Variants in LDB2 observed in about 807,000 individuals in gnomAD.
LDB2 encodes the protein LIM domain binding 2.
LDB2 carries 12 observed loss-of-function variants against 44.3 expected under a neutral mutation model. The ratio of observed to expected loss-of-function variants is 0.27; its 90% CI spans 0.17 to 0.44. The LOEUF is 0.44. Among genes scored for constraint, LDB2 ranks in the 20% least tolerant of loss-of-function variants. The pLI, the probability that LDB2 is intolerant of heterozygous loss-of-function variation, is 1.00. For synonymous variants in LDB2, 164 were observed against 174.8 expected, an observed-to-expected ratio of 0.94 and a Z score of 0.49; for missense variants, 344 against 473.5, an observed-to-expected ratio of 0.73 and a Z score of 2.54.
At chr4:16,766,657 C>G (rs547370577) in intron 1 of LDB2, among the ~76,000 whole-genome samples, 5 of 151,734 alleles carry the variant, frequency 3.3e-5, no homozygotes, top group Admixed American at 6.6e-5. Flanking sequence ...AGGCGCCCAC[C>G]ACCACGCCCA....
chr4:16,724,975 C>A lies in LDB2; in HGVS notation c.235+34183G>T, dbSNP rs181425860. 2.3e-4 allele frequency among the ~76,000 whole-genome samples: 35 copies of A among 152,186 alleles called. No individual in the cohort carries two copies. In the Middle Eastern group the frequency reaches 0.01, roughly 44 times the overall value. On this transcript the variant is annotated intron_variant, in intron 2 of 7. Transcript: ENST00000304523. ...AAAAAATGATTTGCAGATGGAGATA[C>A]CATGTCATTGGTAGAAACAGGAAAA...
At chr4:16,584,014 T>C (rs1179861280) in intron 5 of LDB2, among the ~76,000 whole-genome samples, 2 of 152,052 alleles carry the variant, frequency 1.3e-5, no homozygotes, top group East Asian at 3.9e-4. Flanking sequence ...GGAAGGTAAA[T>C]AGCTACTGAA....
At chr4:16,897,006 T>C (rs1725207546) in intron 1 of LDB2, among the ~76,000 whole-genome samples, 1 of 152,218 alleles carries the variant, frequency 6.6e-6, no homozygotes, top group African/African-American at 2.4e-5. Flanking sequence ...GTCTATGGTG[T>C]ATTAACATAT....
intron 2 of LDB2, among the ~76,000 whole-genome samples, chr4:16,638,367 A>G (rs1488749213): frequency 6.6e-6 from 1 of 152,190 alleles, no homozygotes; most frequent in African/African-American, 2.4e-5. Context: ...GTTCAGTAGC[A>G]CAAGGGGGTC....
intron 2 of LDB2, among the ~76,000 whole-genome samples, chr4:16,680,540 C>T (rs1747565144): frequency 1.3e-5 from 2 of 152,288 alleles, no homozygotes; most frequent in African/African-American, 2.4e-5. Context: ...CATTTACTCC[C>T]CTTACAAAGA....
At chr4:16,551,555 T>C (rs965367297) in intron 5 of LDB2, among the ~76,000 whole-genome samples, 87 of 152,322 alleles carry the variant, frequency 5.7e-4, no homozygotes, top group African/African-American at 1.9e-3. Context: ...TCTCACTCTG[T>C]TGCCCAGGCT....
At chr4:16,519,026 T>C (rs1196103907) in intron 5 of LDB2, among the ~76,000 whole-genome samples, 1 of 152,366 alleles carries the variant, frequency 6.6e-6, no homozygotes, top group South Asian at 2.1e-4. Flanking sequence ...ATAGCACTTA[T>C]CGTGAATCTT....
intron 1 of LDB2, among the ~76,000 whole-genome samples, chr4:16,820,712 A>G (rs1480753483): frequency 1.3e-5 from 2 of 152,182 alleles, no homozygotes; most frequent in Non-Finnish European, 2.9e-5. Flanking sequence ...CTTGTTCTTC[A>G]TGCTTTTAAC....
rs1345807168 is a variant in LDB2, at chr4:16,739,749, C to T, written c.235+19409G>A. On this transcript the variant is annotated intron_variant, in intron 2 of 7. Coordinates refer to ENST00000304523, the MANE Select transcript of LDB2 (RefSeq NM_001290.5). ...ATATATGTGTATATACATACATATA[C>T]ATATATATATAACTATTCTTAATGA... is the stretch of plus-strand genomic sequence containing the variant. Among the ~76,000 whole-genome samples the T allele has an allele frequency of 2.6e-3, 321 of 123,600 alleles. 45 individuals are homozygous for T. Among genetic ancestry groups the T allele is most frequent in the African/African-American group, 6.0e-3 (177 of 29,412 alleles). 81.1% of individuals were successfully genotyped at this position (123,600 alleles called of 152,430 possible).
intron 1 of LDB2, among the ~76,000 whole-genome samples, chr4:16,821,450 C>G (rs1241344636): frequency 6.7e-6 from 1 of 149,264 alleles, no homozygotes; most frequent in East Asian, 2.0e-4. Context: ...GTGGCGCCAT[C>G]TCGGCTCACT....
intron 2 of LDB2, among the ~76,000 whole-genome samples, chr4:16,690,350 T>A (rs1750333835): frequency 6.6e-6 from 1 of 151,242 alleles, no homozygotes; most frequent in South Asian, 2.1e-4. Flanking sequence ...ATAATCCAGC[T>A]ACTCAGGAGG....
chr4:16,591,610 T>C (rs1246858668), intron 3 of LDB2, among the ~76,000 whole-genome samples: 1 of 152,162 alleles, frequency 6.6e-6, no homozygotes, highest in East Asian at 1.9e-4. Context: ...CACCCACAGC[T>C]TCCAGGCCCT....
chr4:16,568,024 T>G (rs925875655), intron 5 of LDB2, among the ~76,000 whole-genome samples: 1 of 152,200 alleles, frequency 6.6e-6, no homozygotes, highest in Non-Finnish European at 1.5e-5. Flanking sequence ...GTGGCCTGTT[T>G]TGGATAAAGG....
At chr4:16,878,738 T>C (rs902828003) in intron 1 of LDB2, among the ~76,000 whole-genome samples, 4 of 152,224 alleles carry the variant, frequency 2.6e-5, no homozygotes, top group African/African-American at 7.2e-5. Flanking sequence ...AGCTCCCTCC[T>C]GCTACAGGGC....
intron 4 of LDB2, 22 bp from the exon 5 acceptor site, chr4:16,586,027 C>T (rs1487210055): frequency 1.9e-6 from 3 of 1,592,320 alleles, no homozygotes; most frequent in East Asian, 4.5e-5. Flanking sequence ...AAAAACCCCA[C>T]ATGTATTTTA....
chr4:16,744,088 TTAAAATGAAAA>T (rs1396674761), intron 2 of LDB2, among the ~76,000 whole-genome samples: 13 of 152,324 alleles, frequency 8.5e-5, no homozygotes, highest in African/African-American at 3.1e-4. Context: ...TCTAGACTGT[TTAAAATGAAAA>T]TGAGAGTATG....
intron 2 of LDB2, among the ~76,000 whole-genome samples, chr4:16,623,765 T>TAC (rs35051593): frequency 0.19 from 28,211 of 146,788 alleles, 3,093 homozygotes; most frequent in Middle Eastern, 0.26. Flanking sequence ...GAAATATACA[T>TAC]ACACACACAC....
intron 1 of LDB2, among the ~76,000 whole-genome samples, chr4:16,777,915 GC>G (rs1364892538): frequency 6.6e-6 from 1 of 152,066 alleles, no homozygotes; most frequent in Non-Finnish European, 1.5e-5. Flanking sequence ...GCTTACCAAC[GC>G]CTGACTGGGA....
Position 16,691,102 on chromosome 4 carries a change from G to C in LDB2, c.235+68056C>G, listed in dbSNP as rs149664989. On this transcript the variant is annotated intron_variant, in intron 2 of 7. Transcript: ENST00000304523. The stretch of plus-strand genomic sequence containing the variant: ...TTCATTATCCAAATCTTAGAGGTGA[G>C]GAAACCATGATGAGATACATTAGAT... Among the ~76,000 whole-genome samples the C allele has an allele frequency of 1.4e-3, 218 of 152,064 alleles. 4 individuals carry two copies. Among genetic ancestry groups the C allele is most frequent in the South Asian group, 0.012 (58 of 4,792 alleles).
Sources: allele counts gnomAD v4.1 joint callset (sites outside exome capture counted in the v4.1 genomes callset), GRCh38; gene constraint gnomAD v4.1.1; transcripts MANE v1.5; gene names NCBI Gene and HGNC (gene_info 2026-07-23, HGNC 2026-07-21).